FAM222B: variants seen among roughly 807,000 people sequenced by gnomAD.
FAM222B encodes the protein protein FAM222B.
FAM222B carries 12 observed loss-of-function variants against 38.0 expected under a neutral mutation model. The observed-to-expected ratio is 0.32, with a 90% confidence interval of 0.20 to 0.51. The LOEUF (loss-of-function observed/expected upper bound fraction) is 0.51, where lower values mean the gene tolerates loss of function less well. Ranked by LOEUF, FAM222B falls within the 20% of genes least tolerant of loss-of-function variation. The pLI is 0.97. For synonymous variants in FAM222B, 329 were observed against 317.2 expected, an observed-to-expected ratio of 1.04 and a Z score of -0.40; for missense variants, 716 against 754.2, an observed-to-expected ratio of 0.95 and a Z score of 0.59.
chr17:28,834,098 T>C (rs1255979059), intron 1 of FAM222B, among the ~76,000 whole-genome samples: 1 of 152,130 alleles, frequency 6.6e-6, no homozygotes, highest in Non-Finnish European at 1.5e-5. Flanking sequence ...TTTTAGTTAC[T>C]CTCCTAAAAA....
At chr17:28,847,768 G>T (rs1382475470), upstream of FAM222B, among the ~76,000 whole-genome samples, 1 of 151,746 alleles carries the variant, frequency 6.6e-6, no homozygotes, top group Non-Finnish European at 1.5e-5. Context: ...CAAAAAATGA[G>T]CCGGGCGCCA....
At chr17:28,781,966 TG>T (rs1308583887) in intron 1 of FAM222B, among the ~76,000 whole-genome samples, 1 of 152,178 alleles carries the variant, frequency 6.6e-6, no homozygotes, top group Non-Finnish European at 1.5e-5. Flanking sequence ...AACAATGTTT[TG>T]TTTACAGGCA....
chr17:28,818,591 C>G (rs901655217), intron 1 of FAM222B, among the ~76,000 whole-genome samples: 2 of 151,602 alleles, frequency 1.3e-5, no homozygotes, highest in African/African-American at 4.8e-5. Context: ...TAACAAGACT[C>G]TATAGGAATG....
chr17:28,788,895 C>T (rs574893064), intron 1 of FAM222B, among the ~76,000 whole-genome samples: 47 of 151,886 alleles, frequency 3.1e-4, no homozygotes, highest in Admixed American at 3.0e-3. Context: ...ATGCCCGCCA[C>T]CACACCCACC....
At chr17:28,776,534 G>A (rs946405877) in intron 1 of FAM222B, among the ~76,000 whole-genome samples, 3 of 135,136 alleles carry the variant, frequency 2.2e-5, no homozygotes, top group Non-Finnish European at 4.6e-5. Flanking sequence ...ACGGCTCACT[G>A]TAGTCTCAAC....
intron 1 of FAM222B, among the ~76,000 whole-genome samples, chr17:28,814,158 T>G (rs1446360676): frequency 6.7e-6 from 1 of 148,202 alleles, no homozygotes; most frequent in African/African-American, 2.5e-5. Flanking sequence ...CCAGCCTGAG[T>G]GAGAGTAAGA....
intron 1 of FAM222B, among the ~76,000 whole-genome samples, chr17:28,804,339 ATT>A (rs549519358): frequency 1.4e-5 from 2 of 144,200 alleles, no homozygotes; most frequent in Middle Eastern, 3.6e-3. Context: ...GCTAATACAG[ATT>A]TTTTTTTTTT....
At chr17:28,834,518 T>C (rs2038772611) in intron 1 of FAM222B, among the ~76,000 whole-genome samples, 1 of 152,164 alleles carries the variant, frequency 6.6e-6, no homozygotes, top group Non-Finnish European at 1.5e-5. Flanking sequence ...CAGTAACTTT[T>C]CCAATCCTTT....
At chr17:28,845,451 C>T (rs1001376372), upstream of FAM222B, among the ~76,000 whole-genome samples, 9 of 149,270 alleles carry the variant, frequency 6.0e-5, no homozygotes, top group Admixed American at 3.3e-4. Context: ...TGGTGGTGGG[C>T]GCCTGTAGTC....
At chr17:28,779,480 G>A (rs138917877) in intron 1 of FAM222B, among the ~76,000 whole-genome samples, 5 of 152,182 alleles carry the variant, frequency 3.3e-5, no homozygotes, top group African/African-American at 7.2e-5. Flanking sequence ...GGCCGGGCGC[G>A]GTGGCTCAAG....
chr17:28,816,623 G>A (rs2038034891), intron 1 of FAM222B, among the ~76,000 whole-genome samples: 1 of 150,868 alleles, frequency 6.6e-6, no homozygotes, highest in Non-Finnish European at 1.5e-5. Flanking sequence ...GTTCCCAGTA[G>A]AACGGAATAA....
intron 1 of FAM222B, among the ~76,000 whole-genome samples, chr17:28,770,505 C>T (rs1189942996): frequency 2.0e-5 from 3 of 152,038 alleles, no homozygotes; most frequent in African/African-American, 7.2e-5. Flanking sequence ...CACGTTCAAG[C>T]GATTCTCCTG....
At chr17:28,847,289 C>A (rs918031569), upstream of FAM222B, among the ~76,000 whole-genome samples, 6 of 151,880 alleles carry the variant, frequency 4.0e-5, no homozygotes, top group African/African-American at 1.5e-4. Context: ...GTAACTTTAT[C>A]TTCCTTACTA....
chr17:28,837,920 T>G (rs1363107234), intron 1 of FAM222B, among the ~76,000 whole-genome samples: 1 of 152,134 alleles, frequency 6.6e-6, no homozygotes. Context: ...CCCAAAGTGC[T>G]AGGATTACAG....
At chr17:28,824,710 A>C (rs2038375736) in intron 1 of FAM222B, among the ~76,000 whole-genome samples, 1 of 152,118 alleles carries the variant, frequency 6.6e-6, no homozygotes. Context: ...CCCCAGTCCA[A>C]GTTACCATAA....
chr17:28,830,085 G>A (rs1479476608), intron 1 of FAM222B, among the ~76,000 whole-genome samples: 1 of 151,174 alleles, frequency 6.6e-6, no homozygotes, highest in East Asian at 1.9e-4. Flanking sequence ...TCCTGACCTC[G>A]TGATCCACCC....
chr17:28,800,118 G>A (rs762833209), intron 1 of FAM222B, among the ~76,000 whole-genome samples: 2 of 150,892 alleles, frequency 1.3e-5, no homozygotes, highest in Non-Finnish European at 2.9e-5. Context: ...AGCAACCTCC[G>A]CCTCCCGCGT....
intron 1 of FAM222B, among the ~76,000 whole-genome samples, chr17:28,798,362 A>C (rs2037042469): frequency 6.6e-6 from 1 of 152,104 alleles, no homozygotes; most frequent in Non-Finnish European, 1.5e-5. Flanking sequence ...AGCCCGGGCA[A>C]ACAGAGTAAG....
upstream of FAM222B, chr17:28,842,979 G>T (rs1324374336): frequency 6.6e-6 from 1 of 152,314 alleles, no homozygotes; most frequent in Non-Finnish European, 1.5e-5. Context: ...CTGCCTCAGG[G>T]TACGCCTCTG....
Sources: gnomAD v4.1 joint callset for allele counts (sites outside exome capture counted in the v4.1 genomes callset) on GRCh38, gnomAD v4.1.1 for gene constraint, MANE v1.5 for transcripts, NCBI Gene and HGNC (gene_info 2026-07-23, HGNC 2026-07-21) for gene names.